IL17D: variants seen among roughly 807,000 people sequenced by gnomAD.
The protein encoded by IL17D is interleukin 17D.
In IL17D, 10 loss-of-function variants were observed where a neutral mutation model predicts 5.7. That is an observed-to-expected ratio of 1.75 (90% CI 1.08 to 2.97). IL17D has a LOEUF of 2.97. Among genes scored for constraint, IL17D ranks in the 30% most tolerant of loss-of-function variants. The probability of loss-of-function intolerance (pLI) is 0.00; values close to 1 mark genes in which losing one functional copy is unlikely to be tolerated. For synonymous variants in IL17D, 172 were observed against 141.7 expected (o/e 1.21, Z -1.52); for missense variants, 354 against 292.7 (o/e 1.21, Z -1.53).
rs2058736306 is a variant in IL17D at position 20,721,671 on chromosome 13, T to A, written c.326T>A (p.Leu109Gln). Reference sequence around the variant, plus strand: ...GACCCGGCGAGGTACCCCAGGTACCTGCCTGAAGCCTACTGCCTGTGCCGG... The same window carrying A: ...GACCCGGCGAGGTACCCCAGGTACCAGCCTGAAGCCTACTGCCTGTGCCGG... The part of the protein sequence containing the change: ...SYDPARYPRY[L>Q]PEAYCLCRGC... Residue 109 changes from leucine to glutamine, a missense_variant, in exon 2 of 2, where the codon CTG becomes CAG. Physicochemically the swap from Leu to Gln is moderately radical, Grantham distance 113 (BLOSUM62 -2). Coordinates refer to ENST00000682841, the MANE Select transcript of IL17D (RefSeq NM_001385224.1). The A allele has an allele frequency of 5.0e-6, 8 of 1,608,022 alleles. No homozygotes were observed. In the South Asian group the frequency reaches 8.8e-5, roughly 18 times the overall value.
At chr13:20,709,677 G>T (rs555555349) in intron 1 of IL17D, among the ~76,000 whole-genome samples, 16 of 138,608 alleles carry the variant, frequency 1.2e-4, no homozygotes, top group Non-Finnish European at 2.3e-4. Flanking sequence ...TTGGGGAGGA[G>T]ACCTACTTTT....
intron 1 of IL17D, among the ~76,000 whole-genome samples, chr13:20,705,404 G>A (rs907082740): frequency 1.6e-4 from 24 of 152,130 alleles, no homozygotes; most frequent in Non-Finnish European, 2.5e-4. Context: ...CTGGATCCCC[G>A]CCTTGTCAGC....
chr13:20,702,205 T>C (rs1414105637), upstream of IL17D: 1 of 152,244 alleles, frequency 6.6e-6, no homozygotes, highest in African/African-American at 2.4e-5. Flanking sequence ...AAAAAGTGTT[T>C]TATAACCCAA....
chr13:20,714,823 A>G (rs1251082245), intron 1 of IL17D, among the ~76,000 whole-genome samples: 1 of 152,198 alleles, frequency 6.6e-6, no homozygotes, highest in Non-Finnish European at 1.5e-5. Flanking sequence ...TCTTGGCAGC[A>G]CATATTGAAG....
chr13:20,722,137 C>A lies in IL17D; in HGVS notation c.*183C>A. 1 of 564,468 alleles carries A rather than the reference C, an allele frequency of 1.8e-6. No homozygotes were observed. The highest frequency in any genetic ancestry group is 3.0e-6 in the Non-Finnish European group (1 of 328,942). 35.0% of individuals were successfully genotyped at this position (564,468 alleles called of 1,614,324 possible). A position where few individuals can be genotyped will look rare whatever the true frequency, so the allele number is the denominator to read the frequency against. On this transcript the variant is annotated 3_prime_UTR_variant, in exon 2 of 2. Transcript: ENST00000682841. Reference sequence around the variant, plus strand: ...CTTCATCTGACACGGGCATCCCTGGCTTGCTTTTAGCTACAAGCAAGCAGC... The same window carrying A: ...CTTCATCTGACACGGGCATCCCTGGATTGCTTTTAGCTACAAGCAAGCAGC...
intron 1 of IL17D, among the ~76,000 whole-genome samples, chr13:20,704,809 G>C (rs936795229): frequency 6.6e-6 from 1 of 152,052 alleles, no homozygotes; most frequent in African/African-American, 2.4e-5. Context: ...TGGGGGGTGC[G>C]CGGTACTATC....
intron 1 of IL17D, chr13:20,714,285 T>TC (rs897927688): frequency 1.3e-4 from 20 of 152,358 alleles, no homozygotes; most frequent in African/African-American, 4.1e-4. Context: ...TGAACGAATT[T>TC]CCCCAGAATA....
intron 1 of IL17D, among the ~76,000 whole-genome samples, chr13:20,707,191 C>G (rs902929379): frequency 1.3e-5 from 2 of 151,998 alleles, no homozygotes; most frequent in Non-Finnish European, 2.9e-5. Context: ...CAGCCAGGCC[C>G]AGTGGCTCAC....
intron 1 of IL17D, among the ~76,000 whole-genome samples, chr13:20,704,659 T>G (rs1470447260): frequency 6.6e-6 from 1 of 152,090 alleles, no homozygotes; most frequent in Non-Finnish European, 1.5e-5. Flanking sequence ...CTCCAGTATT[T>G]CCTATGCAAC....
intron 1 of IL17D, among the ~76,000 whole-genome samples, chr13:20,712,212 A>G (rs367867537): frequency 1.3e-5 from 2 of 152,364 alleles, no homozygotes; most frequent in East Asian, 1.9e-4. Flanking sequence ...TTTTTAAAAA[A>G]TTTATCTAAG....
At chr13:20,712,187 C>T in intron 1 of IL17D, among the ~76,000 whole-genome samples, 1 of 152,370 alleles carries the variant, frequency 6.6e-6, no homozygotes, top group East Asian at 1.9e-4. Flanking sequence ...GCATCACTTT[C>T]TCTCCATCAA....
At position 20,721,818 on chromosome 13, in the gene IL17D, A is replaced by G. The variant is rs1054989706; in HGVS notation, c.473A>G (p.Glu158Gly). The part of the protein sequence containing the change: ...ACAGGRSVYT[E>G]AYVTIPVGCT... ...GCCGGCGGCCGTTCCGTCTACACCG[A>G]GGCCTACGTCACCATCCCCGTGGGC... The change falls in exon 2 of 2, where the codon GAG becomes GGG. Residue 158 changes from glutamate (E) to glycine (G), a missense_variant. By Grantham distance (98) the Glu-to-Gly change is moderately conservative (BLOSUM62 -2). Coordinates refer to ENST00000682841, the MANE Select transcript of IL17D (RefSeq NM_001385224.1). 1 of 1,610,304 alleles carries G rather than the reference A, an allele frequency of 6.2e-7. No individual in the cohort carries two copies. Among genetic ancestry groups the G allele is most frequent in the Non-Finnish European group, 8.5e-7 (1 of 1,179,788 alleles).
At chr13:20,719,055 A>T (rs116893947) in intron 1 of IL17D, among the ~76,000 whole-genome samples, 12,690 of 139,936 alleles carry the variant, frequency 0.091, 674 homozygotes, top group Non-Finnish European at 0.13. Flanking sequence ...CACCTGGCCC[A>T]CACACACCTG....
intron 1 of IL17D, among the ~76,000 whole-genome samples, chr13:20,710,876 A>G (rs1460300578): frequency 2.0e-5 from 3 of 152,194 alleles, no homozygotes; most frequent in African/African-American, 4.8e-5. Flanking sequence ...CTCTATGGAT[A>G]GCTGTAGTCG....
intron 1 of IL17D, among the ~76,000 whole-genome samples, chr13:20,711,678 G>A (rs773681318): frequency 1.9e-4 from 29 of 152,226 alleles, no homozygotes; most frequent in Non-Finnish European, 3.5e-4. Context: ...TACGGTTCAG[G>A]TACCCCGGCT....
chr13:20,721,620 T>C lies in IL17D; in HGVS notation c.291-16T>C. On this transcript the variant is annotated splice_polypyrimidine_tract_variant and intron_variant, in intron 1 of 1. Coordinates refer to ENST00000682841, the MANE Select transcript of IL17D (RefSeq NM_001385224.1). ...CTGCCCCCAGGCGTGACCTCACCCG[T>C]GCTCTCTCCCTGCAGAATCTCCTAC... 1 of 1,575,184 alleles carries C rather than the reference T, an allele frequency of 6.3e-7. No individual in the cohort carries two copies. The highest frequency in any genetic ancestry group is 8.6e-7 in the Non-Finnish European group (1 of 1,157,424).
Position 20,704,083 on chromosome 13 carries a change from C to T in IL17D, c.82C>T (p.Pro28Ser), listed in dbSNP as rs1051154300. Residue 28 changes from proline to serine, a missense_variant, in exon 1 of 2, where the codon CCG (proline) becomes TCG (serine). Transcript: ENST00000682841. ...APRAGRRPAR[P>S]RGCADRPEEL... ...GAGGGCGGGCAGGCGCCCCGCGCGG[C>T]CGCGGGGCTGCGCGGACCGGCCGGA... The T allele has an allele frequency of 7.1e-5, 81 of 1,145,700 alleles. No homozygotes were observed. Among genetic ancestry groups the T allele is most frequent in the Non-Finnish European group, 8.0e-5 (75 of 935,454 alleles). 71.0% of individuals were successfully genotyped at this position (1,145,700 alleles called of 1,614,324 possible). A position where few individuals can be genotyped will look rare whatever the true frequency, so the allele number is the denominator to read the frequency against.
intron 1 of IL17D, among the ~76,000 whole-genome samples, chr13:20,717,661 C>A (rs1392098263): frequency 6.6e-6 from 1 of 152,212 alleles, no homozygotes; most frequent in Non-Finnish European, 1.5e-5. Flanking sequence ...AGATGCGCGG[C>A]ACCCCCCTTA....
chr13:20,721,732 G>A lies in IL17D; in HGVS notation c.387G>A (p.Val129=), dbSNP rs538854549. 1.2e-6 allele frequency: 2 copies of A among 1,611,018 alleles called. No homozygotes were observed. Among genetic ancestry groups the A allele is most frequent in the Admixed American group, 3.3e-5 (2 of 59,964 alleles). Residue 129 remains valine, a synonymous_variant, in exon 2 of 2, where the codon GTG becomes GTA. Transcript: ENST00000682841. ...CLTGLFGEED[V]RFRSAPVYMP... is the part of the protein sequence containing the mutation. ...CCGGGCTGTTCGGCGAGGAGGACGT[G>A]CGCTTCCGCAGCGCCCCTGTCTACA...
Sources: allele counts gnomAD v4.1 joint callset (sites outside exome capture counted in the v4.1 genomes callset), GRCh38; gene constraint gnomAD v4.1.1; transcripts MANE v1.5; gene names NCBI Gene and HGNC (gene_info 2026-07-23, HGNC 2026-07-21).